DMD: variants seen among roughly 807,000 people sequenced by gnomAD.
DMD encodes dystrophin, also known as mutant dystrophin.
A neutral mutation model predicts 330.1 loss-of-function variants in DMD; 63 were observed. The observed-to-expected ratio is 0.19, with a 90% CI of 0.16 to 0.24. The LOEUF (loss-of-function observed/expected upper bound fraction) is 0.24, where lower values mean the gene tolerates loss of function less well. DMD is among the 10% of genes least tolerant of loss of function. The probability of loss-of-function intolerance (pLI) is 1.00; values close to 1 mark genes in which losing one functional copy is unlikely to be tolerated. For synonymous variants in DMD, 1,223 were observed against 959.8 expected (o/e 1.27, Z -5.07); for missense variants, 3,344 against 2,684.1 (o/e 1.25, Z -5.43).
At chrX:31,529,855 T>C (rs1390567955) in intron 55 of DMD, among the ~76,000 whole-genome samples, 2 of 107,357 alleles carry the variant, frequency 1.9e-5, no homozygotes, top group African/African-American at 3.4e-5. Flanking sequence ...GACACTGTCA[T>C]GAGAAAGATC....
At chrX:31,443,980 T>C (rs981785282) in intron 60 of DMD, among the ~76,000 whole-genome samples, 5 of 110,870 alleles carry the variant, frequency 4.5e-5, no homozygotes, top group Non-Finnish European at 9.4e-5. Flanking sequence ...GTTGTAGGAG[T>C]GAATCCCTCA....
chrX:32,670,761 A>C (rs751568819), intron 9 of DMD, among the ~76,000 whole-genome samples: 1 of 112,512 alleles, frequency 8.9e-6, no homozygotes, highest in South Asian at 3.6e-4. Flanking sequence ...AAGATTCATC[A>C]GTGCAACCTG....
intron 37 of DMD, among the ~76,000 whole-genome samples, chrX:32,358,794 A>AC (rs2097818495): frequency 9.0e-6 from 1 of 110,562 alleles, no homozygotes; most frequent in African/African-American, 3.3e-5. Context: ...TTTTGTCTCA[A>AC]CCCCCCAGAT....
At position 32,554,831 on chromosome X, in the gene DMD, GGAGAGAGAGA is replaced by G. The variant is rs770054797; in HGVS notation, c.1993-9507_1993-9498del. On this transcript the variant is annotated intron_variant, in intron 16 of 78. Coordinates refer to ENST00000357033, the MANE Select transcript of DMD (RefSeq NM_004006.3). ...GAGGGAGGGAGGGAGGGAGGGGGAGGGAGAGAGAGAGAGAGAGAGAGAGAGAGAGAGAGAG... is the reference window on the plus strand; with the variant it reads ...GAGGGAGGGAGGGAGGGAGGGGGAGGGAGAGAGAGAGAGAGAGAGAGAGAG... Among the ~76,000 whole-genome samples the G allele has an allele frequency of 7.0e-4, 6 of 8,546 alleles. 1 individual carries two copies. Among genetic ancestry groups the G allele is most frequent in the African/African-American group, 1.5e-3 (3 of 1,995 alleles). 7.4% of individuals were successfully genotyped at this position (8,546 alleles called of 115,157 possible).
At chrX:32,691,605 C>T (rs746146137) in intron 9 of DMD, among the ~76,000 whole-genome samples, 1 of 110,973 alleles carries the variant, frequency 9.0e-6, no homozygotes, top group East Asian at 2.9e-4. Flanking sequence ...ATAGTTGCTC[C>T]TCAAAAATTA....
chrX:33,235,622 T>C, intron 1 of DMD, among the ~76,000 whole-genome samples: 1 of 111,270 alleles, frequency 9.0e-6, no homozygotes, highest in Admixed American at 9.6e-5. Context: ...GGACTTATTT[T>C]ATCAACATTT....
At chrX:32,574,898 TA>T (rs1245292375) in intron 13 of DMD, among the ~76,000 whole-genome samples, 5 of 89,215 alleles carry the variant, frequency 5.6e-5, no homozygotes, top group African/African-American at 1.2e-4. Context: ...ATAATCCACC[TA>T]TTTTTTTTTT....
chrX:31,381,198 C>T (rs956290518), intron 60 of DMD, among the ~76,000 whole-genome samples: 15 of 111,140 alleles, frequency 1.3e-4, no homozygotes, highest in Non-Finnish European at 2.1e-4. Context: ...TGCTCCCACC[C>T]GAGCTCTCCC....
intron 2 of DMD, among the ~76,000 whole-genome samples, chrX:32,995,607 AC>A (rs2093096781): frequency 1.8e-5 from 2 of 112,166 alleles, no homozygotes; most frequent in Non-Finnish European, 3.8e-5. Context: ...GCATATTGCC[AC>A]GGAAGAAGGC....
Position 31,456,831 on chromosome X carries a change from C to CAT in DMD, c.8938-12206_8938-12205dup, listed in dbSNP as rs1162313368. 3.9e-5 allele frequency among the ~76,000 whole-genome samples: 3 copies of CAT among 76,631 alleles called. No individual in the cohort carries two copies. In the East Asian group the frequency reaches 1.4e-3, roughly 35 times the overall value. The allele number at this position is 76,631 out of a possible 115,157, so 66.5% of individuals were successfully genotyped here. A position where few individuals can be genotyped will look rare whatever the true frequency, so the allele number is the denominator to read the frequency against. Reference sequence around the variant, plus strand: ...TTATATCCACTAGATACTGTGCCCACATATATGTGTGTGTGTGTGTGTGTG... The same window carrying CAT: ...TTATATCCACTAGATACTGTGCCCACATATATATGTGTGTGTGTGTGTGTGTG... On this transcript the variant is annotated intron_variant, in intron 59 of 78. Coordinates refer to ENST00000357033, the MANE Select transcript of DMD (RefSeq NM_004006.3).
chrX:31,571,886 T>C (rs1050650381), intron 55 of DMD, among the ~76,000 whole-genome samples: 10 of 111,853 alleles, frequency 8.9e-5, no homozygotes, highest in Admixed American at 4.8e-4. Context: ...GGTTAAGAAC[T>C]ACTGACTTAG....
In DMD at chrX:31,968,418, T is replaced by A. The variant is rs1361261157; in HGVS notation, c.6535A>T (p.Ser2179Cys). ...CTTCCCAATTTTTCCTGTAGAATAC[T>A]GGCATCTGTTTTTGAGGATTGCTGA... ...IIQQSSKTDA[S>C]ILQEKLGSLN... The change falls in exon 45 of 79, where the codon AGT becomes TGT. Residue 2179 changes from serine (S) to cysteine (C), a missense_variant. By Grantham distance (112) the Ser-to-Cys change is moderately radical. Coordinates refer to ENST00000357033, the MANE Select transcript of DMD (RefSeq NM_004006.3). 2.5e-6 allele frequency: 3 copies of A among 1,210,954 alleles called. No individual in the cohort carries two copies. The highest frequency in any genetic ancestry group is 3.4e-6 in the Non-Finnish European group (3 of 894,784).
chrX:31,363,340 G>T (rs1364771392), intron 60 of DMD, among the ~76,000 whole-genome samples: 1 of 104,732 alleles, frequency 9.5e-6, no homozygotes, highest in East Asian at 3.0e-4. Flanking sequence ...AAAGGTTTCC[G>T]TGGCCTCTTT....
chrX:32,519,674 T>A (rs1309619901), intron 17 of DMD, among the ~76,000 whole-genome samples: 5 of 112,114 alleles, frequency 4.5e-5, no homozygotes, highest in Non-Finnish European at 9.4e-5. Flanking sequence ...TAGGAATTTT[T>A]TCACATAAAC....
chrX:31,650,110 CTT>C lies in DMD; in HGVS notation c.8027+7878_8027+7879del, dbSNP rs113030035. Among the ~76,000 whole-genome samples, 619 of 85,741 alleles carry C rather than the reference CTT, an allele frequency of 7.2e-3. 5 individuals are homozygous for C. The highest frequency in any genetic ancestry group is 0.025 in the African/African-American group (568 of 22,999). The allele number at this position is 85,741 out of a possible 115,157, so 74.5% of individuals were successfully genotyped here. Reference sequence around the variant, plus strand: ...CAAGTAGCTGGGACTACAAACTTGGCTTTTTTTTTTTTTTTTTTATGTTTTGT... The same window carrying C: ...CAAGTAGCTGGGACTACAAACTTGGCTTTTTTTTTTTTTTTTATGTTTTGT... On this transcript the variant is annotated intron_variant, in intron 54 of 78. Transcript: ENST00000357033.
chrX:32,433,135 T>A (rs1011039933), intron 29 of DMD, among the ~76,000 whole-genome samples: 1 of 112,455 alleles, frequency 8.9e-6, no homozygotes, highest in Non-Finnish European at 1.9e-5. Context: ...TTTTAATTAG[T>A]CAGCCATAAT....
At chrX:31,389,718 C>A (rs1299554876) in intron 60 of DMD, among the ~76,000 whole-genome samples, 1 of 112,176 alleles carries the variant, frequency 8.9e-6, no homozygotes, top group Non-Finnish European at 1.9e-5. Flanking sequence ...GAAACCTGAT[C>A]TTAGGATATT....
intron 63 of DMD, among the ~76,000 whole-genome samples, chrX:31,248,774 G>A (rs112445685): frequency 0.01 from 1,127 of 111,720 alleles, 7 homozygotes; most frequent in Non-Finnish European, 0.013. Flanking sequence ...AGGAGAAGCC[G>A]GGCGTACTTC....
chrX:31,820,479 T>C (rs952717193), intron 49 of DMD, among the ~76,000 whole-genome samples: 6 of 112,096 alleles, frequency 5.4e-5, no homozygotes, highest in Non-Finnish European at 1.1e-4. Context: ...CCCAGTCAAT[T>C]ATATCAGAGT....
Sources: gnomAD v4.1 joint callset for allele counts (sites outside exome capture counted in the v4.1 genomes callset) on GRCh38, gnomAD v4.1.1 for gene constraint, MANE v1.5 for transcripts, NCBI Gene and HGNC (gene_info 2026-07-23, HGNC 2026-07-21) for gene names.